The following EYS variants were observed in gnomAD, a reference collection of about 807,000 sequenced individuals.
EYS encodes protein eyes shut homolog.
EYS carries 250 observed loss-of-function variants against 282.1 expected under a neutral mutation model. The ratio of observed to expected loss-of-function variants is 0.89; its 90% CI spans 0.80 to 0.98. The LOEUF is 0.98. EYS is among the 50% of genes least tolerant of loss of function. EYS has a pLI of 0.00. For missense variants in EYS, 4,016 were observed against 3,709.0 expected (o/e 1.08, Z -2.15); for synonymous variants, 1,355 against 1,282.9 (o/e 1.06, Z -1.20).
Position 65,231,989 on chromosome 6 carries a change from C to T in EYS, c.2023+63874G>A, listed in dbSNP as rs577112144. 3.9e-5 allele frequency among the ~76,000 whole-genome samples: 6 copies of T among 151,996 alleles called. No individual in the cohort carries two copies. The South Asian group carries it at 1.2e-3, about 32-fold the overall frequency. On this transcript the variant is annotated intron_variant, in intron 12 of 42. Transcript: ENST00000503581. ...GTGTAGGCAATGCCACTATTGTGTG[C>T]AAGACCATATCTAAGTGTTTATATT...
intron 28 of EYS, among the ~76,000 whole-genome samples, chr6:64,394,173 G>A (rs1179857664): frequency 6.6e-6 from 1 of 152,166 alleles, no homozygotes; most frequent in African/African-American, 2.4e-5. Context: ...TCATGGGTAG[G>A]AAGAATCAAT....
chr6:64,957,359 G>A (rs752872566), intron 14 of EYS, among the ~76,000 whole-genome samples: 46 of 152,096 alleles, frequency 3.0e-4, no homozygotes, highest in Non-Finnish European at 5.9e-4. Context: ...TCACTTAGTT[G>A]TGAGACCTAT....
intron 2 of EYS, among the ~76,000 whole-genome samples, chr6:65,538,818 C>T (rs1253694887): frequency 6.6e-6 from 1 of 152,132 alleles, no homozygotes; most frequent in Admixed American, 6.5e-5. Context: ...TGGCATCCTG[C>T]TAAGTCTCTG....
At chr6:64,864,200 G>A (rs1002604402) in intron 19 of EYS, among the ~76,000 whole-genome samples, 1 of 151,786 alleles carries the variant, frequency 6.6e-6, no homozygotes, top group Non-Finnish European at 1.5e-5. Context: ...TCTATTAAAT[G>A]GGATTTTGCT....
chr6:64,455,552 GT>G (rs1410715916), intron 26 of EYS, among the ~76,000 whole-genome samples: 1 of 151,898 alleles, frequency 6.6e-6, no homozygotes, highest in East Asian at 1.9e-4. Flanking sequence ...CATCATCTAG[GT>G]TTTAAGCCCT....
In EYS at chr6:64,516,490, T is replaced by A. The variant is rs531817692; in HGVS notation, c.5644+73733A>T. Among the ~76,000 whole-genome samples the A allele has an allele frequency of 7.0e-4, 107 of 151,948 alleles. 4 individuals carry two copies. The South Asian group carries it at 0.021, about 29-fold the overall frequency. On this transcript the variant is annotated intron_variant, in intron 26 of 42. Transcript: ENST00000503581. ...TTTTCAAAATAATATTTTTTTTAAA[T>A]CACAAAATTGATTGAGCTGTCTACC...
chr6:65,416,352 G>C (rs959233164), intron 5 of EYS, among the ~76,000 whole-genome samples: 1 of 151,854 alleles, frequency 6.6e-6, no homozygotes, highest in Non-Finnish European at 1.5e-5. Flanking sequence ...TCATGATAAA[G>C]AAACAATTCT....
Position 64,661,929 on chromosome 6 carries a change from C to G in EYS, c.3444-35684G>C, listed in dbSNP as rs7454590. Among the ~76,000 whole-genome samples the G allele has an allele frequency of 2.0e-5, 3 of 146,696 alleles. No individual in the cohort carries two copies. The Admixed American group carries it at 2.1e-4, about 10-fold the overall frequency. ...AATCATGCTGCTATAAAGACACATG[C>G]ACACGTATGTTTATTGCGGCACTAT... On this transcript the variant is annotated intron_variant, in intron 22 of 42. Coordinates refer to ENST00000503581, the MANE Select transcript of EYS (RefSeq NM_001142800.2).
intron 22 of EYS, among the ~76,000 whole-genome samples, chr6:64,720,588 C>T (rs1771545002): frequency 6.6e-6 from 1 of 152,100 alleles, no homozygotes; most frequent in African/African-American, 2.4e-5. Flanking sequence ...TGCAGTTTTC[C>T]ATCCCCTAGA....
intron 26 of EYS, among the ~76,000 whole-genome samples, chr6:64,578,477 A>T (rs761690721): frequency 6.6e-6 from 1 of 152,030 alleles, no homozygotes. Flanking sequence ...CGTCAAAGAG[A>T]TCAATCCTGA....
intron 12 of EYS, among the ~76,000 whole-genome samples, chr6:65,164,170 C>T (rs1764914852): frequency 6.6e-6 from 1 of 151,326 alleles, no homozygotes; most frequent in Admixed American, 6.6e-5. Flanking sequence ...TTGTAAACTG[C>T]ATATTTGCAA....
At chr6:64,314,234 C>T (rs938506684) in intron 29 of EYS, among the ~76,000 whole-genome samples, 4 of 118,406 alleles carry the variant, frequency 3.4e-5, no homozygotes, top group South Asian at 5.9e-4. Context: ...GGTTGCAATC[C>T]TAGTTTCTGA....
chr6:65,363,761 T>G (rs1288880544), intron 8 of EYS, among the ~76,000 whole-genome samples: 7 of 151,856 alleles, frequency 4.6e-5, no homozygotes, highest in Non-Finnish European at 1.0e-4. Context: ...AAAACTTAGA[T>G]TAAATATATG....
At chr6:65,614,752 C>T (rs957447244) in intron 2 of EYS, among the ~76,000 whole-genome samples, 4 of 152,066 alleles carry the variant, frequency 2.6e-5, no homozygotes, top group African/African-American at 9.7e-5. Flanking sequence ...TTCTTAAATC[C>T]TCTAGAGGCA....
intron 30 of EYS, among the ~76,000 whole-genome samples, chr6:64,254,795 T>A (rs1767336522): frequency 6.6e-6 from 1 of 152,086 alleles, no homozygotes. Context: ...CCTGTTTGGA[T>A]CCTGACTAAT....
chr6:64,914,256 G>A (rs780928652), intron 15 of EYS, among the ~76,000 whole-genome samples: 2 of 152,120 alleles, frequency 1.3e-5, no homozygotes, highest in African/African-American at 2.4e-5. Flanking sequence ...CAAACTGTAG[G>A]TGTGTTCAAG....
chr6:63,860,961 T>C (rs1369950678), intron 36 of EYS, among the ~76,000 whole-genome samples: 1 of 152,204 alleles, frequency 6.6e-6, no homozygotes, highest in East Asian at 1.9e-4. Context: ...CTATATTTTC[T>C]CCTTAGACAA....
Position 64,897,740 on chromosome 6 carries a change from C to T in EYS, c.2846+4373G>A, listed in dbSNP as rs10080700. Among the ~76,000 whole-genome samples, 1,023 of 152,224 alleles carry T rather than the reference C, an allele frequency of 6.7e-3. 15 individuals are homozygous for T. Among genetic ancestry groups the T allele is most frequent in the African/African-American group, 0.023 (940 of 41,556 alleles). The stretch of plus-strand genomic sequence containing the variant: ...TTAGAGGAATTGCTAACTAGAATAA[C>T]CAGTTTAGAGAAGAACATAAATGAC... On this transcript the variant is annotated intron_variant, in intron 18 of 42. Transcript: ENST00000503581.
intron 21 of EYS, among the ~76,000 whole-genome samples, chr6:64,820,217 A>G (rs1764860147): frequency 6.6e-6 from 1 of 152,080 alleles, no homozygotes; most frequent in African/African-American, 2.4e-5. Context: ...GTCACTGAGT[A>G]TAATGAGTTT....
Sources: allele counts gnomAD v4.1 joint callset (sites outside exome capture counted in the v4.1 genomes callset), GRCh38; gene constraint gnomAD v4.1.1; transcripts MANE v1.5; gene names NCBI Gene and HGNC (gene_info 2026-07-23, HGNC 2026-07-21).